Variants in LRRC40 observed in about 807,000 individuals in gnomAD.
The protein encoded by LRRC40 is leucine rich repeat containing 40, also known as leucine-rich repeat-containing protein 40.
Under a neutral mutation model 72.8 loss-of-function variants are expected in LRRC40, and 76 were observed. That is an observed-to-expected ratio of 1.04 (90% CI 0.87 to 1.26). The LOEUF (loss-of-function observed/expected upper bound fraction) is 1.26, where lower values mean the gene tolerates loss of function less well. LRRC40 is among the 50% of genes most tolerant of loss of function. LRRC40 has a pLI of 0.00. For missense variants in LRRC40, 684 were observed against 698.9 expected, an observed-to-expected ratio of 0.98 and a Z score of 0.24; for synonymous variants, 243 against 254.2, an observed-to-expected ratio of 0.96 and a Z score of 0.42.
intron 2 of LRRC40, 54 bp from the exon 3 acceptor site, chr1:70,187,392 T>C (rs990387079): frequency 2.3e-6 from 2 of 864,686 alleles, no homozygotes; most frequent in East Asian, 2.5e-5. Flanking sequence ...ATTAACAATA[T>C]ATAAGCTTTG....
chr1:70,161,356 T>C (rs1371202387), intron 9 of LRRC40, among the ~76,000 whole-genome samples: 1 of 151,840 alleles, frequency 6.6e-6, no homozygotes, highest in Non-Finnish European at 1.5e-5. Flanking sequence ...AGTGCTGGGA[T>C]TACAGGCGTG....
At chr1:70,176,348 T>C (rs1432645052) in intron 6 of LRRC40, among the ~76,000 whole-genome samples, 1 of 151,810 alleles carries the variant, frequency 6.6e-6, no homozygotes, top group Non-Finnish European at 1.5e-5. Flanking sequence ...CTGGCCAACA[T>C]GGTGAAACCC....
intron 14 of LRRC40, among the ~76,000 whole-genome samples, chr1:70,146,384 C>CAAA (rs1258526416): frequency 1.3e-5 from 2 of 152,106 alleles, no homozygotes. Flanking sequence ...ATTAATAACC[C>CAAA]AAAACATATT....
chr1:70,183,021 T>G (rs1040490130), intron 4 of LRRC40, among the ~76,000 whole-genome samples: 3 of 152,176 alleles, frequency 2.0e-5, no homozygotes, highest in Non-Finnish European at 4.4e-5. Flanking sequence ...TAAGAAAATC[T>G]GATGGCTTCC....
At chr1:70,169,175 T>C (rs1667950142) in intron 9 of LRRC40, among the ~76,000 whole-genome samples, 1 of 152,102 alleles carries the variant, frequency 6.6e-6, no homozygotes, top group Non-Finnish European at 1.5e-5. Context: ...CCTCGCTCTG[T>C]ACACAGCCCC....
intron 11 of LRRC40, among the ~76,000 whole-genome samples, chr1:70,155,226 T>C (rs1449060344): frequency 6.6e-6 from 1 of 152,106 alleles, no homozygotes; most frequent in Non-Finnish European, 1.5e-5. Context: ...CAGGCTTCAG[T>C]TAATTTTGCT....
intron 4 of LRRC40, among the ~76,000 whole-genome samples, chr1:70,182,205 C>A (rs146632579): frequency 3.1e-4 from 47 of 151,974 alleles, no homozygotes; most frequent in African/African-American, 1.1e-3. Context: ...TTCTACAACT[C>A]TAATACTAAA....
At chr1:70,201,952 G>A (rs960639248) in intron 1 of LRRC40, among the ~76,000 whole-genome samples, 13 of 152,016 alleles carry the variant, frequency 8.6e-5, no homozygotes, top group African/African-American at 3.1e-4. Context: ...ACTCCAGCCT[G>A]GGCAACAAGA....
chr1:70,167,612 T>C (rs895257057), intron 9 of LRRC40, among the ~76,000 whole-genome samples: 1 of 151,976 alleles, frequency 6.6e-6, no homozygotes, highest in African/African-American at 2.4e-5. Context: ...CTGAAAAGGA[T>C]TCTATTTCTA....
chr1:70,153,568 G>A (rs750994239), intron 11 of LRRC40, among the ~76,000 whole-genome samples: 2 of 152,022 alleles, frequency 1.3e-5, no homozygotes, highest in Non-Finnish European at 2.9e-5. Context: ...TAGAAATCTG[G>A]CCTAGAGAAA....
At chr1:70,170,330 C>T (rs184604735) in intron 9 of LRRC40, among the ~76,000 whole-genome samples, 164 of 152,170 alleles carry the variant, frequency 1.1e-3, no homozygotes, top group Middle Eastern at 3.4e-3. Context: ...AAGCTTTCCC[C>T]CAAAGATGTC....
chr1:70,156,798 AG>A (rs1667648254), intron 10 of LRRC40, among the ~76,000 whole-genome samples: 1 of 152,184 alleles, frequency 6.6e-6, no homozygotes, highest in African/African-American at 2.4e-5. Flanking sequence ...AGAGAGGGAT[AG>A]CATAAAATTC....
chr1:70,157,529 C>A (rs937511963), intron 10 of LRRC40, among the ~76,000 whole-genome samples: 1 of 152,076 alleles, frequency 6.6e-6, no homozygotes, highest in East Asian at 1.9e-4. Flanking sequence ...TGGACCAATA[C>A]TACTTTATAG....
chr1:70,177,026 A>G (rs1257650978), intron 6 of LRRC40, among the ~76,000 whole-genome samples: 2 of 152,234 alleles, frequency 1.3e-5, no homozygotes, highest in African/African-American at 4.8e-5. Context: ...CTGTAATCCC[A>G]GCACTCTGGG....
intron 9 of LRRC40, among the ~76,000 whole-genome samples, chr1:70,161,242 GC>G (rs1315892588): frequency 6.6e-6 from 1 of 151,400 alleles, no homozygotes; most frequent in Non-Finnish European, 1.5e-5. Flanking sequence ...CCGCCACCAC[GC>G]CCAGCTAATT....
chr1:70,175,825 T>C lies in LRRC40; in HGVS notation c.962A>G (p.Asn321Ser). ...LRSLERLDLS[N>S]NDISSLPYSL... is the part of the protein sequence containing the mutation. ...TTAAACTTACCTACTAATATCATTG[T>C]TGCTTAGGTCAAGCCTTTCCAAGGA... The change falls in exon 7 of 15, where the codon AAC becomes AGC. Residue 321 changes from asparagine (N) to serine (S), a missense_variant. By Grantham distance (46) the Asn-to-Ser change is conservative. Transcript: ENST00000370952. 3 of 1,559,858 alleles carry C rather than the reference T, an allele frequency of 1.9e-6. No homozygotes were observed. The highest frequency in any genetic ancestry group is 2.6e-6 in the Non-Finnish European group (3 of 1,158,476).
chr1:70,188,524 C>A (rs970407548), intron 2 of LRRC40, among the ~76,000 whole-genome samples: 3 of 151,866 alleles, frequency 2.0e-5, no homozygotes, highest in Non-Finnish European at 2.9e-5. Flanking sequence ...AGTTTGAGGA[C>A]AGGAGTTCAA....
At position 70,178,913 on chromosome 1, in the gene LRRC40, G is replaced by A. The variant is rs141157410; in HGVS notation, c.742C>T (p.Leu248Phe). The A allele has an allele frequency of 3.6e-3, 5,831 of 1,599,974 alleles. 19 individuals are homozygous for A. The highest frequency in any genetic ancestry group is 4.3e-3 in the Non-Finnish European group (5,072 of 1,170,332). ...CGTAATTTATTCCTCCGCAAATAAA[G>A]CAATTCTAGTGATTCCATGCCAGCC... ...ELAGMESLEL[L>F]YLRRNKLRFL... Residue 248 changes from leucine to phenylalanine, a missense_variant, in exon 6 of 15, where the codon CTT becomes TTT. By Grantham distance (22) the Leu-to-Phe change is conservative. Coordinates refer to ENST00000370952, the MANE Select transcript of LRRC40 (RefSeq NM_017768.5).
At chr1:70,194,399 T>G (rs1432745884) in intron 1 of LRRC40, among the ~76,000 whole-genome samples, 1 of 152,106 alleles carries the variant, frequency 6.6e-6, no homozygotes, top group Admixed American at 6.5e-5. Flanking sequence ...AAGATCTGTA[T>G]ATGAAAATAC....
Sources: allele counts gnomAD v4.1 joint callset (sites outside exome capture counted in the v4.1 genomes callset), GRCh38; gene constraint gnomAD v4.1.1; transcripts MANE v1.5; gene names NCBI Gene and HGNC (gene_info 2026-07-23, HGNC 2026-07-21).